Variants in KCP observed in about 807,000 individuals in gnomAD.
KCP encodes kielin cysteine rich BMP regulator.
A neutral mutation model predicts 212.7 loss-of-function variants in KCP; 194 were observed. The ratio of observed to expected loss-of-function variants is 0.91; its 90% CI spans 0.81 to 1.03. The LOEUF (loss-of-function observed/expected upper bound fraction) is 1.03, where lower values mean the gene tolerates loss of function less well. KCP is among the 50% of genes least tolerant of loss of function. The pLI, the probability that KCP is intolerant of heterozygous loss-of-function variation, is 0.00. For missense variants in KCP, 2,080 were observed against 2,162.5 expected, an observed-to-expected ratio of 0.96 and a Z score of 0.76; for synonymous variants, 833 against 865.3, an observed-to-expected ratio of 0.96 and a Z score of 0.65.
At chr7:128,887,044 G>A in intron 23 of KCP, 78 bp from the exon 24 acceptor site, 4 of 1,020,074 alleles carry the variant, frequency 3.9e-6, no homozygotes, top group Non-Finnish European at 4.5e-6. Context: ...GAGCCTGCAG[G>A]GGCCCAAACA....
Position 128,890,953 on chromosome 7 carries a change from C to T in KCP, c.2116G>A (p.Ala706Thr). 5 of 1,254,364 alleles carry T rather than the reference C, an allele frequency of 4.0e-6. No individual in the cohort carries two copies. Among genetic ancestry groups the T allele is most frequent in the Non-Finnish European group, 5.0e-6 (5 of 1,004,762 alleles). 77.7% of individuals were successfully genotyped at this position (1,254,364 alleles called of 1,614,324 possible). ...VSCQRLPCPP[A>T]PCAHPRQGPC... ...CCCTGGCGCGGGTGCGCGCAGGGCG[C>T]GGGCGGGCAGGGCAGCCGCTGGCAG... The change falls in exon 20 of 40, where the codon GCG becomes ACG. Residue 706 changes from alanine (A) to threonine (T), a missense_variant. Physicochemically the swap from Ala to Thr is moderately conservative, Grantham distance 58 (BLOSUM62 0). Transcript: ENST00000610776.
Position 128,893,815 on chromosome 7 carries a change from C to T in KCP, c.1090G>A (p.Val364Ile), listed in dbSNP as rs755841614. 27 of 1,550,776 alleles carry T rather than the reference C, an allele frequency of 1.7e-5. No homozygotes were observed. The highest frequency in any genetic ancestry group is 6.8e-5 in the African/African-American group (5 of 73,062). ...CCCGGCCCCCACTCACCATCGCAGA[C>T]AGGGCAGCACTGCCCAGGGATCTTG... ...PGKIPGQCCP[V>I]CDGCEYQGHQ... is the part of the protein sequence containing the mutation. The change falls in exon 11 of 40, where the codon GTC (valine) becomes ATC (isoleucine). Residue 364 changes from valine (V) to isoleucine (I), a missense_variant. Val to Ile is a conservative substitution (Grantham distance 29, BLOSUM62 3). Coordinates refer to ENST00000610776, the MANE Select transcript of KCP (RefSeq NM_001366122.1).
Position 128,877,468 on chromosome 7 carries a change from G to T in KCP, c.4618+16C>A, listed in dbSNP as rs774995709. On this transcript the variant is annotated intron_variant, in intron 39 of 39. Coordinates refer to ENST00000610776, the MANE Select transcript of KCP (RefSeq NM_001366122.1). ...GCTGAGCCTCCCCCAACCTGCAGCGGGCATCACCCCCTCACCACACAGCGT... is the reference window on the plus strand; with the variant it reads ...GCTGAGCCTCCCCCAACCTGCAGCGTGCATCACCCCCTCACCACACAGCGT... The T allele has an allele frequency of 6.5e-7, 1 of 1,550,132 alleles. No individual in the cohort carries two copies. Among genetic ancestry groups the T allele is most frequent in the Non-Finnish European group, 8.7e-7 (1 of 1,146,466 alleles).
intron 4 of KCP, 126 bp downstream of exon 4, chr7:128,906,975 C>A (rs1050579091): frequency 3.2e-5 from 29 of 906,446 alleles, no homozygotes; most frequent in Non-Finnish European, 4.5e-5. Context: ...TGAAAGCCAC[C>A]GTGGCAAGGT....
chr7:128,907,350 C>G lies in KCP; in HGVS notation c.323G>C (p.Arg108Pro). The G allele has an allele frequency of 1.3e-6, 2 of 1,542,908 alleles. No individual in the cohort carries two copies. Reference sequence around the variant, plus strand: ...GGCTGTGCAGGCGTCAGGCTCCCAGCGTGCCCCCTCGGGCCAGGCACGCCC... The same window carrying G: ...GGCTGTGCAGGCGTCAGGCTCCCAGGGTGCCCCCTCGGGCCAGGCACGCCC... ...GLGRAWPEGA[R>P]WEPDACTACV... Residue 108 changes from arginine to proline, a missense_variant, in exon 3 of 40, where the codon CGC becomes CCC. By Grantham distance (103) the Arg-to-Pro change is moderately radical (BLOSUM62 -2). Transcript: ENST00000610776.
intron 26 of KCP, among the ~76,000 whole-genome samples, chr7:128,885,788 C>T (rs1026355410): frequency 1.3e-5 from 2 of 152,100 alleles, no homozygotes; most frequent in African/African-American, 4.8e-5. Context: ...AGTGGGCAGG[C>T]TAAGAAAGGC....
chr7:128,908,549 C>T lies in KCP; in HGVS notation c.96G>A (p.Glu32=). The T allele has an allele frequency of 6.4e-7, 1 of 1,551,212 alleles. No homozygotes were observed. Among genetic ancestry groups the T allele is most frequent in the Non-Finnish European group, 8.7e-7 (1 of 1,146,718 alleles). ...GGGCAGTTGTCTGCTGCCCAGGGGG[C>T]TCCCTGGGGACAGCCCCACCTGAAG... The part of the protein sequence containing the change: ...AGAEGGAVPR[E]PPGQQTTAHS... The change falls in exon 2 of 40, where the codon GAG becomes GAA. Residue 32 remains glutamate, a synonymous_variant. Coordinates refer to ENST00000610776, the MANE Select transcript of KCP (RefSeq NM_001366122.1).
Position 128,891,228 on chromosome 7 carries a change from T to C in KCP, c.1929A>G (p.Pro643=), listed in dbSNP as rs1329393527. The C allele has an allele frequency of 6.5e-7, 1 of 1,546,044 alleles. No individual in the cohort carries two copies. The highest frequency in any genetic ancestry group is 1.4e-5 in the African/African-American group (1 of 72,840). The change falls in exon 19 of 40, where the codon CCA becomes CCG. Residue 643 remains proline (P), a synonymous_variant. Transcript: ENST00000610776. ...LARRCVPLPC[P]EPVLLPGECC... The stretch of plus-strand genomic sequence containing the variant: ...ACTCTCCCGGCAGCAGGACAGGCTC[T>C]GGACAGGGCAGCGGCACGCAGCGGC...
rs1459963566 is a variant in KCP at position 128,907,433 on chromosome 7, C to T, written c.240G>A (p.Arg80=). The change falls in exon 3 of 40, where the codon AGG becomes AGA. Residue 80 remains arginine (R), a synonymous_variant. Transcript: ENST00000610776. ...ACTCACAGGACTCCAGCTGCCTCAC[C>T]CTCGTCTGCAGGTCCTTATTCTGGA... is the stretch of plus-strand genomic sequence containing the variant. ...LREQNKDLQT[R]VRQLESCECH... The T allele has an allele frequency of 3.3e-6, 5 of 1,501,708 alleles. No individual in the cohort carries two copies. In the East Asian group the frequency reaches 1.3e-4, roughly 38 times the overall value. The allele number at this position is 1,501,708 out of a possible 1,614,324, so 93.0% of individuals were successfully genotyped here. A position where few individuals can be genotyped will look rare whatever the true frequency, so the allele number is the denominator to read the frequency against.
At chr7:128,907,008 A>C in intron 4 of KCP, 93 bp downstream of exon 4, 2 of 1,230,356 alleles carry the variant, frequency 1.6e-6, no homozygotes, top group Non-Finnish European at 2.3e-6. Context: ...GGCAGAGCCC[A>C]TTATGCGACA....
At position 128,884,051 on chromosome 7, in the gene KCP, G is replaced by C. The variant is rs1427301558; in HGVS notation, c.3195C>G (p.Pro1065=). The change falls in exon 29 of 40, where the codon CCC becomes CCG. Residue 1065 remains proline (P), a synonymous_variant. Coordinates refer to ENST00000610776, the MANE Select transcript of KCP (RefSeq NM_001366122.1). ...RQCPSLVGCP[P]SQLLPPGPQH... The stretch of plus-strand genomic sequence containing the variant: ...GGGGCCCAGGGGGCAGGAGCTGGCT[G>C]GGGGGGCAGCCCACCAGGCTGGGAC... 4 of 1,543,362 alleles carry C rather than the reference G, an allele frequency of 2.6e-6. No homozygotes were observed. The highest frequency in any genetic ancestry group is 1.7e-6 in the Non-Finnish European group (2 of 1,144,742).
intron 1 of KCP, among the ~76,000 whole-genome samples, chr7:128,910,304 C>G (rs868139989): frequency 1.1e-4 from 17 of 152,344 alleles, no homozygotes; most frequent in African/African-American, 3.8e-4. Flanking sequence ...CTTTTCTCCC[C>G]CTCCTTCGTC....
intron 16 of KCP, 82 bp downstream of exon 16, chr7:128,892,432 A>AAAGCATG: frequency 9.9e-7 from 1 of 1,012,826 alleles, no homozygotes; most frequent in South Asian, 1.7e-5. Context: ...TTGCTTTCTA[A>AAAGCATG]GGTACCTGTT....
rs376481255 is a variant in KCP at position 128,893,827 on chromosome 7, G to A, written c.1078C>T (p.Gln360Ter). ...PCRHPGKIPG[Q>*]CCPVCDGCEY... Reference sequence around the variant, plus strand: ...TCACCATCGCAGACAGGGCAGCACTGCCCAGGGATCTTGCCTGGGTGTCTG... The same window carrying A: ...TCACCATCGCAGACAGGGCAGCACTACCCAGGGATCTTGCCTGGGTGTCTG... Residue 360 changes from glutamine to a stop codon, truncating the protein, a stop_gained, in exon 11 of 40, where the codon CAG becomes TAG. Transcript: ENST00000610776. LOFTEE classifies it high-confidence loss of function. 6 of 1,550,868 alleles carry A rather than the reference G, an allele frequency of 3.9e-6. No individual in the cohort carries two copies. The highest frequency in any genetic ancestry group is 5.2e-6 in the Non-Finnish European group (6 of 1,146,964).
At chr7:128,879,218 C>T (rs970215725) in intron 37 of KCP, 7 of 438,136 alleles carry the variant, frequency 1.6e-5, no homozygotes, top group Non-Finnish European at 2.5e-5. Flanking sequence ...TGACATCCTC[C>T]CCACTGCCAC....
chr7:128,904,143 G>A lies in KCP; in HGVS notation c.572-5C>T, dbSNP rs1795004227. On this transcript the variant is annotated splice_polypyrimidine_tract_variant and splice_region_variant and intron_variant, in intron 5 of 39. Coordinates refer to ENST00000610776, the MANE Select transcript of KCP (RefSeq NM_001366122.1). ...GCTGCCCCTCATAATCACAGCCTGG[G>A]AAGGTTGGCAGGATGACAAGTGGGT... 1.9e-6 allele frequency: 3 copies of A among 1,551,728 alleles called. No individual in the cohort carries two copies. The Admixed American group carries it at 5.9e-5, about 30-fold the overall frequency.
rs1468794064 is a variant in KCP at position 128,893,435 on chromosome 7, AGGTCTCCT to A, written c.1133_1140del (p.Gln378LeufsTer22). The A allele has an allele frequency of 1.3e-6, 2 of 1,551,630 alleles. No homozygotes were observed. The highest frequency in any genetic ancestry group is 3.9e-5 in the Admixed American group (2 of 50,998). On this transcript the variant is annotated frameshift_variant, in exon 12 of 40. Transcript: ENST00000610776. LOFTEE classifies it high-confidence loss of function. Reference sequence around the variant, plus strand: ...CAGAGGCCCCGCTCTTGGAGTCTGAAGGTCTCCTGGCTCTGATACTGGTGTCCCTGGTA... The same window carrying A: ...CAGAGGCCCCGCTCTTGGAGTCTGAAGGCTCTGATACTGGTGTCCCTGGTA...
chr7:128,897,522 G>C (rs1794599882), intron 8 of KCP, among the ~76,000 whole-genome samples: 1 of 152,068 alleles, frequency 6.6e-6, no homozygotes, highest in Non-Finnish European at 1.5e-5. Flanking sequence ...TTTAATAAGA[G>C]CTTATTTTGT....
chr7:128,909,841 T>C (rs1478329158), intron 1 of KCP, among the ~76,000 whole-genome samples: 3 of 152,176 alleles, frequency 2.0e-5, no homozygotes, highest in African/African-American at 4.8e-5. Flanking sequence ...CCAGGTGCCC[T>C]TTCCCATCTC....
Sources: gnomAD v4.1 joint callset for allele counts (sites outside exome capture counted in the v4.1 genomes callset) on GRCh38, gnomAD v4.1.1 for gene constraint, MANE v1.5 for transcripts, NCBI Gene and HGNC (gene_info 2026-07-23, HGNC 2026-07-21) for gene names.